The following LYG1 variants were observed in gnomAD, a reference collection of about 807,000 sequenced individuals.
LYG1 encodes the protein lysozyme g-like protein 1.
LYG1 carries 17 observed loss-of-function variants against 21.7 expected under a neutral mutation model. The observed-to-expected ratio is 0.78, with a 90% CI of 0.54 to 1.18. The LOEUF is 1.18. LYG1 is among the 50% of genes most tolerant of loss of function. LYG1 has a pLI of 0.00. For synonymous variants in LYG1, 81 were observed against 87.4 expected (o/e 0.93, Z 0.41); for missense variants, 211 against 238.1 (o/e 0.89, Z 0.75).
chr2:99,284,252 C>T lies in LYG1; in HGVS notation c.*141G>A. ...CATATTATAAATGCAGGTCAAAATT[C>T]TTCCTTTAATGTGATTCATGTTATT... On this transcript the variant is annotated 3_prime_UTR_variant, in exon 7 of 7. Transcript: ENST00000308528. 1 of 713,726 alleles carries T rather than the reference C, an allele frequency of 1.4e-6. No homozygotes were observed. Among genetic ancestry groups the T allele is most frequent in the Middle Eastern group, 3.7e-4 (1 of 2,682 alleles). 44.2% of individuals were successfully genotyped at this position (713,726 alleles called of 1,614,324 possible). A position where few individuals can be genotyped will look rare whatever the true frequency, so the allele number is the denominator to read the frequency against.
chr2:99,299,913 T>C (rs1325688818), intron 1 of LYG1, among the ~76,000 whole-genome samples: 3 of 151,370 alleles, frequency 2.0e-5, no homozygotes, highest in African/African-American at 4.9e-5. Context: ...CCTACATATA[T>C]ACACACACAC....
At chr2:99,291,491 GAGAA>G (rs1425717797) in intron 4 of LYG1, 70 bp from the exon 5 acceptor site, 1 of 1,498,816 alleles carries the variant, frequency 6.7e-7, no homozygotes, top group African/African-American at 1.4e-5. Context: ...CAAGGGGAGA[GAGAA>G]AGAACAATCC....
Position 99,284,877 on chromosome 2 carries a change from C to T in LYG1, c.334-57G>A, listed in dbSNP as rs888416458. On this transcript the variant is annotated intron_variant, in intron 5 of 6. Coordinates refer to ENST00000308528, the MANE Select transcript of LYG1 (RefSeq NM_174898.3). ...TAAGCTGGGTGGGAGGGTGATCCGG[C>T]TTACTGGGCTCAATGGCGCTTGTTC... The T allele has an allele frequency of 2.5e-6, 4 of 1,594,128 alleles. No individual in the cohort carries two copies. The African/African-American group carries it at 5.4e-5, about 21-fold the overall frequency.
At chr2:99,302,465 A>G (rs904335332), upstream of LYG1, among the ~76,000 whole-genome samples, 3 of 152,192 alleles carry the variant, frequency 2.0e-5, no homozygotes, top group African/African-American at 7.2e-5. Flanking sequence ...TGGGCTTCCA[A>G]TGCTGGGCCC....
chr2:99,289,432 G>A (rs1374819579), intron 5 of LYG1, among the ~76,000 whole-genome samples: 1 of 147,462 alleles, frequency 6.8e-6, no homozygotes, highest in Non-Finnish European at 1.5e-5. Flanking sequence ...CTCCAGCCTG[G>A]GTGACAGAGC....
intron 5 of LYG1, among the ~76,000 whole-genome samples, chr2:99,285,165 G>A (rs111349800): frequency 0.015 from 2,221 of 152,110 alleles, 62 homozygotes; most frequent in African/African-American, 0.05. Flanking sequence ...AGTTCGAGAC[G>A]AGCCTCAGCA....
intron 1 of LYG1, among the ~76,000 whole-genome samples, chr2:99,300,576 A>C (rs1372644065): frequency 6.6e-6 from 1 of 152,208 alleles, no homozygotes; most frequent in Non-Finnish European, 1.5e-5. Flanking sequence ...AGAGAAAATA[A>C]GATTGTTATA....
intron 3 of LYG1, among the ~76,000 whole-genome samples, chr2:99,293,055 G>A (rs1285378286): frequency 1.5e-5 from 2 of 131,636 alleles, no homozygotes; most frequent in Admixed American, 9.8e-5. Context: ...GCAGTGGCAC[G>A]ATCTCGACTC....
chr2:99,286,494 A>C (rs2094100037), intron 5 of LYG1, among the ~76,000 whole-genome samples: 1 of 152,158 alleles, frequency 6.6e-6, no homozygotes, highest in African/African-American at 2.4e-5. Context: ...CTCACCAGGC[A>C]GGAGTTTGAG....
chr2:99,288,008 C>A (rs1421294482), intron 5 of LYG1, among the ~76,000 whole-genome samples: 1 of 152,062 alleles, frequency 6.6e-6, no homozygotes, highest in Non-Finnish European at 1.5e-5. Context: ...AATTGTTTTA[C>A]TTATTTTTCT....
intron 5 of LYG1, among the ~76,000 whole-genome samples, chr2:99,286,736 C>A: frequency 6.6e-6 from 1 of 151,974 alleles, no homozygotes; most frequent in East Asian, 1.9e-4. Flanking sequence ...AAAATTAATA[C>A]CATATGATTT....
At position 99,284,601 on chromosome 2, in the gene LYG1, G is replaced by A; in HGVS notation, c.466+87C>T. ...ACTAACTACCTAACAGGAGGCAGCTGGAGTTTCGGGGAATCTGGTGCAATG... is the reference window on the plus strand; with the variant it reads ...ACTAACTACCTAACAGGAGGCAGCTAGAGTTTCGGGGAATCTGGTGCAATG... On this transcript the variant is annotated intron_variant, in intron 6 of 6. Coordinates refer to ENST00000308528, the MANE Select transcript of LYG1 (RefSeq NM_174898.3). 5.0e-6 allele frequency: 8 copies of A among 1,591,054 alleles called. No individual in the cohort carries two copies. The South Asian group carries it at 7.8e-5, about 16-fold the overall frequency.
rs1345307326 is a variant in LYG1 at position 99,289,423 on chromosome 2, T to C, written c.333+1814A>G. Among the ~76,000 whole-genome samples the C allele has an allele frequency of 4.7e-5, 7 of 148,646 alleles. No individual in the cohort carries two copies. In the East Asian group the frequency reaches 1.2e-3, roughly 25 times the overall value. ...GTGAGCTAAGATCATACCACTATACTCCAGCCTGGGTGACAGAGCCAGACC... is the reference window on the plus strand; with the variant it reads ...GTGAGCTAAGATCATACCACTATACCCCAGCCTGGGTGACAGAGCCAGACC... On this transcript the variant is annotated intron_variant, in intron 5 of 6. Transcript: ENST00000308528.
intron 5 of LYG1, among the ~76,000 whole-genome samples, chr2:99,285,383 A>G (rs1384373137): frequency 2.0e-5 from 3 of 150,914 alleles, no homozygotes; most frequent in Admixed American, 2.0e-4. Flanking sequence ...CCTGTCTTAA[A>G]AAAAAAAAAA....
At chr2:99,289,767 C>T (rs187389863) in intron 5 of LYG1, among the ~76,000 whole-genome samples, 33 of 152,300 alleles carry the variant, frequency 2.2e-4, no homozygotes, top group Non-Finnish European at 4.3e-4. Flanking sequence ...CCTTCTTATA[C>T]GCCTTTGATT....
At chr2:99,302,469 TG>T (rs924328205), upstream of LYG1, among the ~76,000 whole-genome samples, 2 of 152,208 alleles carry the variant, frequency 1.3e-5, no homozygotes, top group Non-Finnish European at 2.9e-5. Flanking sequence ...CTTCCAATGC[TG>T]GGCCCCAGGT....
intron 2 of LYG1, among the ~76,000 whole-genome samples, chr2:99,297,216 C>CA (rs1440221073): frequency 6.6e-6 from 1 of 152,138 alleles, no homozygotes; most frequent in Non-Finnish European, 1.5e-5. Flanking sequence ...GCTGGGTCTG[C>CA]AGGAACGCTC....
chr2:99,294,593 T>C (rs936738776), intron 3 of LYG1, among the ~76,000 whole-genome samples: 1 of 152,208 alleles, frequency 6.6e-6, no homozygotes, highest in Admixed American at 6.5e-5. Context: ...GTTTTATCAC[T>C]CCTTGGTTCC....
intron 2 of LYG1, among the ~76,000 whole-genome samples, chr2:99,296,137 T>C (rs2094135538): frequency 6.6e-6 from 1 of 152,106 alleles, no homozygotes; most frequent in Admixed American, 6.6e-5. Flanking sequence ...TTTAGGTCCC[T>C]TCTTCTTCAG....
Sources: allele counts gnomAD v4.1 joint callset (sites outside exome capture counted in the v4.1 genomes callset), GRCh38; gene constraint gnomAD v4.1.1; transcripts MANE v1.5; gene names NCBI Gene and HGNC (gene_info 2026-07-23, HGNC 2026-07-21).